SOX6: variants seen among roughly 807,000 people sequenced by gnomAD.
SOX6 encodes the protein SRY-box transcription factor 6, also known as transcription factor SOX-6.
In SOX6, 11 loss-of-function variants were observed where a neutral mutation model predicts 97.8. The ratio of observed to expected loss-of-function variants is 0.11; its 90% CI spans 0.07 to 0.19. The LOEUF is 0.19. Ranked by LOEUF, SOX6 falls within the 10% of genes least tolerant of loss-of-function variation. The pLI is 1.00. For missense variants in SOX6, 810 were observed against 1,039.5 expected, an observed-to-expected ratio of 0.78 and a Z score of 3.04; for synonymous variants, 360 against 371.4, an observed-to-expected ratio of 0.97 and a Z score of 0.35.
chr11:16,665,116 C>T (rs1353090029), intron 3 of SOX6, among the ~76,000 whole-genome samples: 3 of 151,756 alleles, frequency 2.0e-5, no homozygotes, highest in Non-Finnish European at 2.9e-5. Context: ...TGTGACACAG[C>T]AAATTCCCAG....
chr11:16,043,015 G>A (rs1364686644), intron 12 of SOX6, among the ~76,000 whole-genome samples: 1 of 152,138 alleles, frequency 6.6e-6, no homozygotes, highest in Non-Finnish European at 1.5e-5. Context: ...GAGAGTTACA[G>A]AACATACTTT....
At position 15,972,864 on chromosome 11, in the gene SOX6, G is replaced by A; in HGVS notation, c.2432C>T (p.Pro811Leu). The A allele has an allele frequency of 6.2e-7, 1 of 1,614,142 alleles. No homozygotes were observed. Among genetic ancestry groups the A allele is most frequent in the Admixed American group, 1.7e-5 (1 of 60,016 alleles). ...MEMYDDYEDD[P>L]KSDYSSENEA... ...ATTTTCACTGCTATAGTCTGATTTGGGGTCATCTTCATAGTCATCATACAT... is the reference window on the plus strand; with the variant it reads ...ATTTTCACTGCTATAGTCTGATTTGAGGTCATCTTCATAGTCATCATACAT... Residue 811 changes from proline (P) to leucine (L), a missense_variant, in exon 16 of 16, where the codon CCC becomes CTC. Coordinates refer to ENST00000683767, the MANE Select transcript of SOX6 (RefSeq NM_001367873.1).
chr11:16,337,633 T>C (rs142853651), intron 2 of SOX6, among the ~76,000 whole-genome samples: 2 of 152,244 alleles, frequency 1.3e-5, no homozygotes, highest in African/African-American at 2.4e-5. Flanking sequence ...GGATAGAGGA[T>C]AGTGAATCTT....
intron 6 of SOX6, among the ~76,000 whole-genome samples, chr11:16,120,401 C>G (rs936796645): frequency 6.6e-6 from 1 of 151,748 alleles, no homozygotes; most frequent in African/African-American, 2.4e-5. Flanking sequence ...GCACACTATT[C>G]CTAGCACTCT....
intron 4 of SOX6, among the ~76,000 whole-genome samples, chr11:16,560,598 CATGTATGTTT>C: frequency 8.9e-6 from 1 of 111,904 alleles, no homozygotes; most frequent in South Asian, 2.8e-4. Context: ...TTTATACGTA[CATGTATGTTT>C]ATACGTACAT....
At chr11:16,086,457 C>T (rs1224973022) in intron 9 of SOX6, among the ~76,000 whole-genome samples, 5 of 152,132 alleles carry the variant, frequency 3.3e-5, no homozygotes, top group Non-Finnish European at 7.3e-5. Context: ...CTGAGGCAGG[C>T]ATCGTGACCC....
chr11:16,242,275 C>T (rs1853217243), intron 3 of SOX6, among the ~76,000 whole-genome samples: 1 of 152,010 alleles, frequency 6.6e-6, no homozygotes, highest in African/African-American at 2.4e-5. Context: ...CAACTGCCTA[C>T]AGTGTTTAGT....
intron 1 of SOX6, among the ~76,000 whole-genome samples, chr11:16,362,836 G>T (rs1206145240): frequency 6.6e-6 from 1 of 152,152 alleles, no homozygotes; most frequent in Non-Finnish European, 1.5e-5. Context: ...CAACATTCAT[G>T]TGCAAGGAAT....
intron 1 of SOX6, among the ~76,000 whole-genome samples, chr11:16,367,684 C>T (rs1263518551): frequency 6.6e-6 from 1 of 152,118 alleles, no homozygotes; most frequent in Non-Finnish European, 1.5e-5. Flanking sequence ...AAATAAAATG[C>T]ATGATTTACA....
chr11:16,454,302 CT>C (rs1452210167), intron 1 of SOX6, among the ~76,000 whole-genome samples: 1 of 152,038 alleles, frequency 6.6e-6, no homozygotes, highest in African/African-American at 2.4e-5. Flanking sequence ...AGTTATGCAA[CT>C]TGTAAAATTA....
chr11:16,664,115 AAAAC>A (rs879795258), intron 3 of SOX6, among the ~76,000 whole-genome samples: 14 of 152,214 alleles, frequency 9.2e-5, no homozygotes, highest in Admixed American at 5.2e-4. Flanking sequence ...AAACAAAACA[AAAAC>A]AAACAAACAA....
chr11:16,250,783 G>A (rs1227392972), intron 3 of SOX6, among the ~76,000 whole-genome samples: 1 of 151,914 alleles, frequency 6.6e-6, no homozygotes, highest in East Asian at 1.9e-4. Context: ...AATCAACAGA[G>A]ATATAGAATA....
At chr11:16,203,950 A>G (rs1782387636) in intron 4 of SOX6, among the ~76,000 whole-genome samples, 1 of 152,094 alleles carries the variant, frequency 6.6e-6, no homozygotes, top group African/African-American at 2.4e-5. Context: ...CTGAATTAGT[A>G]AAGTGAAAAA....
At chr11:16,166,877 A>T (rs1401114721) in intron 6 of SOX6, among the ~76,000 whole-genome samples, 1 of 152,198 alleles carries the variant, frequency 6.6e-6, no homozygotes, top group African/African-American at 2.4e-5. Context: ...AATTATACAC[A>T]GACAAGTTTA....
chr11:16,491,920 G>T (rs1463661843), intron 4 of SOX6, among the ~76,000 whole-genome samples: 1 of 152,020 alleles, frequency 6.6e-6, no homozygotes, highest in Non-Finnish European at 1.5e-5. Context: ...AGTACTAGGG[G>T]TTCTATGGAA....
In SOX6 at chr11:16,648,105, G is replaced by A. The variant is rs750646805; in HGVS notation, n.430-35845C>T. ...GCAGACAGAGTAGGCAGACTGGAAA[G>A]GGTGAGGTCTGAAAGCCAGGTTGTT... On this transcript the variant is annotated intron_variant and non_coding_transcript_variant, in intron 3 of 5. Transcript: ENST00000524520. 3.9e-5 allele frequency among the ~76,000 whole-genome samples: 6 copies of A among 152,304 alleles called. No homozygotes were observed. The South Asian group carries it at 1.2e-3, about 32-fold the overall frequency.
At chr11:16,424,491 T>TC (rs1480489003) in intron 1 of SOX6, among the ~76,000 whole-genome samples, 1 of 136,174 alleles carries the variant, frequency 7.3e-6, no homozygotes, top group Non-Finnish European at 1.7e-5. Context: ...ATCCTGAATC[T>TC]CCAACACCAT....
At chr11:16,667,761 T>G (rs1305239749) in intron 3 of SOX6, among the ~76,000 whole-genome samples, 1 of 152,138 alleles carries the variant, frequency 6.6e-6, no homozygotes, top group Non-Finnish European at 1.5e-5. Context: ...TCACTGGTAA[T>G]AGTATGTACA....
intron 3 of SOX6, among the ~76,000 whole-genome samples, chr11:16,653,273 A>T (rs1020814584): frequency 3.3e-5 from 5 of 152,212 alleles, no homozygotes; most frequent in African/African-American, 1.2e-4. Context: ...TTGGGTATCT[A>T]CCCAGAGGAA....
Sources: gnomAD v4.1 joint callset for allele counts (sites outside exome capture counted in the v4.1 genomes callset) on GRCh38, gnomAD v4.1.1 for gene constraint, MANE v1.5 for transcripts, NCBI Gene and HGNC (gene_info 2026-07-23, HGNC 2026-07-21) for gene names.